RIMBP2: variants seen among roughly 807,000 people sequenced by gnomAD.
RIMBP2 encodes RIMS binding protein 2, also known as RIMS-binding protein 2.
In RIMBP2, 48 loss-of-function variants were observed where a neutral mutation model predicts 118.6. That is an observed-to-expected ratio of 0.40 (90% CI 0.32 to 0.51). The LOEUF is 0.51. Among genes scored for constraint, RIMBP2 ranks in the 20% least tolerant of loss-of-function variants. The pLI is 0.41. For synonymous variants in RIMBP2, 762 were observed against 742.9 expected, an observed-to-expected ratio of 1.03 and a Z score of -0.42; for missense variants, 1,551 against 1,768.3, an observed-to-expected ratio of 0.88 and a Z score of 2.20.
At chr12:130,626,175 T>A (rs1244279709) in intron 2 of RIMBP2, among the ~76,000 whole-genome samples, 1 of 152,216 alleles carries the variant, frequency 6.6e-6, no homozygotes, top group Non-Finnish European at 1.5e-5. Flanking sequence ...TATCCTACAT[T>A]GGAAAGAGTT....
At chr12:130,641,146 C>T (rs545905992) in intron 1 of RIMBP2, among the ~76,000 whole-genome samples, 1 of 152,290 alleles carries the variant, frequency 6.6e-6, no homozygotes, top group African/African-American at 2.4e-5. Context: ...CACTGGCAGG[C>T]ATGCAGTCAT....
At chr12:130,686,518 T>C (rs1029020319) in intron 1 of RIMBP2, among the ~76,000 whole-genome samples, 3 of 152,206 alleles carry the variant, frequency 2.0e-5, no homozygotes, top group Non-Finnish European at 4.4e-5. Flanking sequence ...CCCCAGTGGC[T>C]GAAAGTAGAG....
intron 1 of RIMBP2, among the ~76,000 whole-genome samples, chr12:130,700,868 G>A (rs930336251): frequency 6.6e-6 from 1 of 152,182 alleles, no homozygotes; most frequent in Admixed American, 6.5e-5. Context: ...AGCGCCCACT[G>A]CATACACTTT....
At chr12:130,638,054 C>A (rs2062430907) in intron 1 of RIMBP2, among the ~76,000 whole-genome samples, 1 of 152,064 alleles carries the variant, frequency 6.6e-6, no homozygotes, top group Non-Finnish European at 1.5e-5. Context: ...CATCTAGTTG[C>A]TAGAATGAGA....
At position 130,447,634 on chromosome 12, in the gene RIMBP2, C is replaced by G. The variant is rs1407228345; in HGVS notation, c.582-2365G>C. The stretch of plus-strand genomic sequence containing the variant: ...TGGCATCTGTGAGCACAGCAGTGGC[C>G]CTGGGCGGCACACTGCAAGTGGGTG... On this transcript the variant is annotated intron_variant, in intron 9 of 22. Coordinates refer to ENST00000690449, the MANE Select transcript of RIMBP2 (RefSeq NM_001393629.1). The surrounding 1 kb of genome is among the most constrained non-coding windows in gnomAD (Gnocchi z 4.4). Among the ~76,000 whole-genome samples the G allele has an allele frequency of 6.6e-6, 1 of 152,116 alleles. No individual in the cohort carries two copies. Among genetic ancestry groups the G allele is most frequent in the Non-Finnish European group, 1.5e-5 (1 of 68,022 alleles).
intron 2 of RIMBP2, among the ~76,000 whole-genome samples, chr12:130,538,267 T>C (rs2054250485): frequency 1.3e-5 from 2 of 151,762 alleles, no homozygotes. Flanking sequence ...CTTCTTTCTA[T>C]ATATTCTCCC....
intron 17 of RIMBP2, among the ~76,000 whole-genome samples, chr12:130,418,302 T>C (rs536530424): frequency 2.0e-5 from 3 of 152,362 alleles, no homozygotes; most frequent in South Asian, 2.1e-4. Flanking sequence ...CAGGCTGTTA[T>C]GATTTTGTTG....
intron 2 of RIMBP2, among the ~76,000 whole-genome samples, chr12:130,614,832 T>G (rs2060797333): frequency 6.6e-6 from 1 of 150,956 alleles, no homozygotes; most frequent in African/African-American, 2.4e-5. Context: ...AAACAAGTTA[T>G]CAAATATATA....
chr12:130,440,073 TA>T, intron 11 of RIMBP2, among the ~76,000 whole-genome samples: 1 of 151,536 alleles, frequency 6.6e-6, no homozygotes, highest in Non-Finnish European at 1.5e-5. Context: ...CGGGCATGGC[TA>T]ACCCTGGCCG....
chr12:130,404,157 A>C (rs1169981491), intron 21 of RIMBP2, among the ~76,000 whole-genome samples: 1 of 152,204 alleles, frequency 6.6e-6, no homozygotes, highest in Non-Finnish European at 1.5e-5. Context: ...GAATCGGTTG[A>C]TAAGAGAAAT....
intron 4 of RIMBP2, among the ~76,000 whole-genome samples, chr12:130,502,655 TA>T (rs1373893516): frequency 1.3e-5 from 2 of 152,180 alleles, no homozygotes; most frequent in Non-Finnish European, 2.9e-5. Context: ...TTACCCAATT[TA>T]TTTTTCTGCA....
At chr12:130,472,153 G>A (rs567262327) in intron 5 of RIMBP2, 1 of 152,360 alleles carries the variant, frequency 6.6e-6, no homozygotes, top group Admixed American at 6.5e-5. Flanking sequence ...CTGGGTCTGA[G>A]GCCAGCAGAT....
chr12:130,709,493 C>T (rs1949742064), intron 1 of RIMBP2, among the ~76,000 whole-genome samples: 1 of 152,208 alleles, frequency 6.6e-6, no homozygotes, highest in Non-Finnish European at 1.5e-5. Context: ...CAGCTCGAGC[C>T]CTTGGCCCTT....
chr12:130,680,049 A>G (rs1275593825), intron 1 of RIMBP2, among the ~76,000 whole-genome samples: 6 of 152,220 alleles, frequency 3.9e-5, no homozygotes, highest in Admixed American at 2.0e-4. Flanking sequence ...CCTGAGTGTG[A>G]TCACGCAGGC....
intron 11 of RIMBP2, among the ~76,000 whole-genome samples, chr12:130,441,444 A>ATT (rs2078129891): frequency 1.5e-5 from 2 of 135,460 alleles, no homozygotes; most frequent in African/African-American, 5.3e-5. Flanking sequence ...TAATAATAAT[A>ATT]ATAATTTACA....
At chr12:130,512,114 C>T (rs558551819) in intron 3 of RIMBP2, among the ~76,000 whole-genome samples, 112 of 152,338 alleles carry the variant, frequency 7.4e-4, no homozygotes, top group African/African-American at 2.5e-3. Context: ...TTGGCTCCCA[C>T]GGGCCACTCA....
intron 2 of RIMBP2, among the ~76,000 whole-genome samples, chr12:130,616,214 T>C (rs2060925488): frequency 6.6e-6 from 1 of 152,160 alleles, no homozygotes; most frequent in Non-Finnish European, 1.5e-5. Context: ...CTGAAGAAGA[T>C]GACTAGACAC....
At chr12:130,476,492 T>C (rs1196873310) in intron 5 of RIMBP2, among the ~76,000 whole-genome samples, 4 of 152,178 alleles carry the variant, frequency 2.6e-5, no homozygotes, top group Admixed American at 2.6e-4. Flanking sequence ...TCCAGCTCTG[T>C]GCCTCAGGCC....
chr12:130,485,700 C>T (rs1163075685), intron 4 of RIMBP2, among the ~76,000 whole-genome samples: 1 of 152,188 alleles, frequency 6.6e-6, no homozygotes, highest in African/African-American at 2.4e-5. Context: ...CCTACCAGGA[C>T]TCGCTAGGTA....
Sources: allele counts gnomAD v4.1 joint callset (sites outside exome capture counted in the v4.1 genomes callset), GRCh38; gene constraint gnomAD v4.1.1; non-coding constraint Gnocchi (gnomAD v3.1); transcripts MANE v1.5; gene names NCBI Gene and HGNC (gene_info 2026-07-23, HGNC 2026-07-21).